Variants in PACRG observed in about 807,000 individuals in gnomAD.
PACRG encodes the protein parkin coregulated gene protein.
Under a neutral mutation model 29.7 loss-of-function variants are expected in PACRG, and 29 were observed. The observed-to-expected ratio is 0.98, with a 90% CI of 0.73 to 1.33. The LOEUF is 1.33. PACRG is among the 40% of genes most tolerant of loss of function. PACRG has a pLI of 0.00. For missense variants in PACRG, 279 were observed against 316.2 expected, an observed-to-expected ratio of 0.88 and a Z score of 0.89; for synonymous variants, 116 against 118.7, an observed-to-expected ratio of 0.98 and a Z score of 0.15.
At chr6:162,742,292 CTGA>C (rs1297983627) in intron 1 of PACRG, among the ~76,000 whole-genome samples, 1 of 152,174 alleles carries the variant, frequency 6.6e-6, no homozygotes, top group Non-Finnish European at 1.5e-5. Context: ...CTCACAATAT[CTGA>C]TGGTTTTATA....
chr6:162,801,443 A>G (rs1426776011), intron 1 of PACRG, among the ~76,000 whole-genome samples: 1 of 152,000 alleles, frequency 6.6e-6, no homozygotes, highest in Non-Finnish European at 1.5e-5. Context: ...TACTGATAGC[A>G]TTGCATCTTT....
At chr6:163,103,014 G>A (rs1256655749) in intron 4 of PACRG, among the ~76,000 whole-genome samples, 1 of 152,096 alleles carries the variant, frequency 6.6e-6, no homozygotes, top group Admixed American at 6.6e-5. Flanking sequence ...ATAAATATTT[G>A]CTGAATGGGT....
At chr6:162,803,984 A>C (rs1786099678) in intron 1 of PACRG, among the ~76,000 whole-genome samples, 1 of 152,174 alleles carries the variant, frequency 6.6e-6, no homozygotes, top group South Asian at 2.1e-4. Flanking sequence ...ATAATGGCAA[A>C]TAGTAGGTGG....
At chr6:162,931,564 T>G (rs2128106447) in intron 2 of PACRG, among the ~76,000 whole-genome samples, 1 of 152,108 alleles carries the variant, frequency 6.6e-6, no homozygotes, top group Admixed American at 6.6e-5. Flanking sequence ...CACCATTTGT[T>G]GAAAAGATTA....
chr6:163,284,078 A>C (rs970482461), intron 4 of PACRG, among the ~76,000 whole-genome samples: 11 of 152,130 alleles, frequency 7.2e-5, no homozygotes, highest in African/African-American at 2.7e-4. Flanking sequence ...AAACCATTGC[A>C]CTCCAGCCTG....
chr6:162,952,889 A>G (rs1199203289), intron 2 of PACRG, among the ~76,000 whole-genome samples: 1 of 152,154 alleles, frequency 6.6e-6, no homozygotes, highest in Non-Finnish European at 1.5e-5. Flanking sequence ...TGCATGTGAT[A>G]TGGTTTTATA....
At chr6:162,881,963 G>C (rs192924020) in intron 2 of PACRG, among the ~76,000 whole-genome samples, 1,429 of 133,746 alleles carry the variant, frequency 0.011, 138 homozygotes, top group South Asian at 0.017. Context: ...GAGATGGGTG[G>C]GGGGGGGCAC....
At chr6:163,260,357 G>T (rs1177674989) in intron 4 of PACRG, among the ~76,000 whole-genome samples, 1 of 152,196 alleles carries the variant, frequency 6.6e-6, no homozygotes, top group Non-Finnish European at 1.5e-5. Flanking sequence ...CTAGACCTCA[G>T]AGCCCATACA....
At chr6:163,204,856 G>A (rs1368852783) in intron 4 of PACRG, among the ~76,000 whole-genome samples, 1 of 152,164 alleles carries the variant, frequency 6.6e-6, no homozygotes, top group Non-Finnish European at 1.5e-5. Flanking sequence ...GATCTGATAA[G>A]CAACTTTAGC....
At chr6:163,231,037 GGCAA>G (rs1782022033) in intron 4 of PACRG, among the ~76,000 whole-genome samples, 1 of 152,222 alleles carries the variant, frequency 6.6e-6, no homozygotes, top group Non-Finnish European at 1.5e-5. Context: ...TCCCTGCAAA[GGCAA>G]CGGCTCCTCT....
chr6:163,174,415 T>G (rs1460149708), intron 4 of PACRG, among the ~76,000 whole-genome samples: 2 of 152,192 alleles, frequency 1.3e-5, no homozygotes, highest in Non-Finnish European at 2.9e-5. Flanking sequence ...ACCCAAAACT[T>G]CAGGTTCCCA....
At chr6:162,954,156 C>T (rs1799852217) in intron 2 of PACRG, among the ~76,000 whole-genome samples, 1 of 152,146 alleles carries the variant, frequency 6.6e-6, no homozygotes. Flanking sequence ...AGAGTATCAT[C>T]TACCACTTCA....
chr6:162,957,938 T>C (rs948941784), intron 2 of PACRG, among the ~76,000 whole-genome samples: 3 of 152,190 alleles, frequency 2.0e-5, no homozygotes, highest in Middle Eastern at 3.2e-3. Flanking sequence ...TGAAATTTAG[T>C]TGGAATTTCT....
At chr6:163,240,940 A>T (rs1477870936) in intron 4 of PACRG, among the ~76,000 whole-genome samples, 1 of 152,128 alleles carries the variant, frequency 6.6e-6, no homozygotes, top group East Asian at 1.9e-4. Context: ...TTCCAGAAAG[A>T]CTTCTCATAA....
intron 2 of PACRG, among the ~76,000 whole-genome samples, chr6:163,060,633 C>G (rs994753803): frequency 2.6e-5 from 4 of 152,122 alleles, no homozygotes; most frequent in Non-Finnish European, 5.9e-5. Flanking sequence ...GGCTGGACTC[C>G]CTCTACATCC....
intron 4 of PACRG, among the ~76,000 whole-genome samples, chr6:163,228,366 A>G (rs994341994): frequency 7.0e-6 from 1 of 142,062 alleles, no homozygotes; most frequent in Non-Finnish European, 1.5e-5. Context: ...AGCTTTGGAA[A>G]TCTTTAAGCA....
chr6:162,917,981 C>G (rs1360508905), intron 2 of PACRG, among the ~76,000 whole-genome samples: 1 of 152,176 alleles, frequency 6.6e-6, no homozygotes, highest in Non-Finnish European at 1.5e-5. Context: ...GCTCATCTAA[C>G]TTAGTTAAAT....
intron 2 of PACRG, among the ~76,000 whole-genome samples, chr6:162,885,681 G>T (rs1359677946): frequency 6.6e-6 from 1 of 152,176 alleles, no homozygotes; most frequent in Non-Finnish European, 1.5e-5. Flanking sequence ...TCCTTGAGGA[G>T]CAGTATTGGC....
chr6:163,139,272 C>CCTCTGCTT (rs1817060436), intron 4 of PACRG, among the ~76,000 whole-genome samples: 1 of 152,180 alleles, frequency 6.6e-6, no homozygotes, highest in South Asian at 2.1e-4. Context: ...TCCAAATCCC[C>CCTCTGCTT]CTCTGCTTCC....
Sources: allele counts gnomAD v4.1 joint callset (sites outside exome capture counted in the v4.1 genomes callset), GRCh38; gene constraint gnomAD v4.1.1; transcripts MANE v1.5; gene names NCBI Gene and HGNC (gene_info 2026-07-23, HGNC 2026-07-21).